CLEC16A: variants seen among roughly 807,000 people sequenced by gnomAD.
CLEC16A encodes the protein protein CLEC16A.
In CLEC16A, 51 loss-of-function variants were observed where a neutral mutation model predicts 109.5. That is an observed-to-expected ratio of 0.47 (90% CI 0.37 to 0.59). The LOEUF (loss-of-function observed/expected upper bound fraction) is 0.59, where lower values mean the gene tolerates loss of function less well. Among genes scored for constraint, CLEC16A ranks in the 20% least tolerant of loss-of-function variants. The probability of loss-of-function intolerance (pLI) is 0.00; values close to 1 mark genes in which losing one functional copy is unlikely to be tolerated. For missense variants in CLEC16A, 1,339 were observed against 1,394.0 expected, an observed-to-expected ratio of 0.96 and a Z score of 0.63; for synonymous variants, 673 against 564.2, an observed-to-expected ratio of 1.19 and a Z score of -2.73.
intron 21 of CLEC16A, among the ~76,000 whole-genome samples, chr16:11,124,969 G>A (rs1310886604): frequency 6.6e-6 from 1 of 152,110 alleles, no homozygotes; most frequent in Non-Finnish European, 1.5e-5. Flanking sequence ...TACGCCTGTA[G>A]TCCCAGCTAT....
chr16:11,168,094 G>A (rs1246767562), intron 23 of CLEC16A, among the ~76,000 whole-genome samples: 1 of 152,114 alleles, frequency 6.6e-6, no homozygotes, highest in African/African-American at 2.4e-5. Context: ...ATACTTCTTT[G>A]CCTAAAGTTA....
intron 11 of CLEC16A, among the ~76,000 whole-genome samples, chr16:11,010,965 A>G (rs945723838): frequency 1.3e-5 from 2 of 152,192 alleles, no homozygotes; most frequent in Admixed American, 1.3e-4. Context: ...TGGCTGGAAC[A>G]CGGCATGGGT....
At position 11,002,670 on chromosome 16, in the gene CLEC16A, T is replaced by C. The variant is rs1420322541; in HGVS notation, c.1072-404T>C. On this transcript the variant is annotated intron_variant, in intron 10 of 23. Coordinates refer to ENST00000409790, the MANE Select transcript of CLEC16A (RefSeq NM_015226.3). The stretch of plus-strand genomic sequence containing the variant: ...CCTCCAAGTCCACCACCCCTCCCAG[T>C]CTCATTGTCCATCATCCCACACTCT... Among the ~76,000 whole-genome samples the C allele has an allele frequency of 2.0e-5, 3 of 151,928 alleles. 1 individual carries two copies. The highest frequency in any genetic ancestry group is 3.9e-4 in the East Asian group (2 of 5,150).
intron 22 of CLEC16A, among the ~76,000 whole-genome samples, chr16:11,129,334 AC>A (rs1306671725): frequency 2.0e-5 from 3 of 152,180 alleles, no homozygotes; most frequent in African/African-American, 7.2e-5. Flanking sequence ...ATGAACAATA[AC>A]TCTGTTTTCC....
At chr16:11,058,799 G>T (rs1241769767) in intron 18 of CLEC16A, among the ~76,000 whole-genome samples, 1 of 152,176 alleles carries the variant, frequency 6.6e-6, no homozygotes, top group East Asian at 1.9e-4. Flanking sequence ...CACCTGCTCT[G>T]GTCCTGCATG....
At chr16:10,977,100 T>G in intron 7 of CLEC16A, 125 bp from the exon 8 acceptor site, 2 of 854,880 alleles carry the variant, frequency 2.3e-6, no homozygotes, top group Non-Finnish European at 3.6e-6. Flanking sequence ...CCAGGATAAG[T>G]GTCTCTTGAG....
chr16:11,060,926 C>T lies in CLEC16A; in HGVS notation c.2020C>T (p.Arg674Cys). The stretch of plus-strand genomic sequence containing the variant: ...GGCCATCCGGGTGTTCTTCATGCTG[C>T]GTTCCCTGTCACTGCAATTGCGAGG... ...RRAIRVFFML[R>C]SLSLQLRGEP... Residue 674 changes from arginine to cysteine, a missense_variant, in exon 19 of 24, where the codon CGT becomes TGT. By Grantham distance (180) the Arg-to-Cys change is radical. This residue lies in a region of CLEC16A where 1,061 missense variants were observed against 1,006.8 expected (regional missense o/e 1.05). Transcript: ENST00000409790. The T allele has an allele frequency of 1.2e-6, 2 of 1,612,010 alleles. No individual in the cohort carries two copies. Among genetic ancestry groups the T allele is most frequent in the Non-Finnish European group, 1.7e-6 (2 of 1,179,052 alleles).
rs572083087 is a variant in CLEC16A, at chr16:11,038,312, G to A, written c.1538-1442G>A. 3.9e-5 allele frequency among the ~76,000 whole-genome samples: 6 copies of A among 152,296 alleles called. No homozygotes were observed. In the East Asian group the frequency reaches 5.8e-4, roughly 15 times the overall value. On this transcript the variant is annotated intron_variant, in intron 13 of 23. Coordinates refer to ENST00000409790, the MANE Select transcript of CLEC16A (RefSeq NM_015226.3). Reference sequence around the variant, plus strand: ...CAAGGGACCGTATTTTAAGAGTTCCGAGAAGTGCCACCTTTCCCCCTTTTG... The same window carrying A: ...CAAGGGACCGTATTTTAAGAGTTCCAAGAAGTGCCACCTTTCCCCCTTTTG...
intron 22 of CLEC16A, among the ~76,000 whole-genome samples, chr16:11,154,959 C>CA (rs907202981): frequency 1.3e-5 from 2 of 151,666 alleles, no homozygotes; most frequent in African/African-American, 4.8e-5. Flanking sequence ...CCCACCACTA[C>CA]AAAAAACAGA....
intron 19 of CLEC16A, among the ~76,000 whole-genome samples, chr16:11,065,352 T>A (rs2048704131): frequency 6.6e-6 from 1 of 152,358 alleles, no homozygotes; most frequent in Non-Finnish European, 1.5e-5. Context: ...TGTGGGCACC[T>A]AACATTCACA....
At chr16:11,163,035 G>A (rs756187273) in intron 22 of CLEC16A, among the ~76,000 whole-genome samples, 1 of 152,222 alleles carries the variant, frequency 6.6e-6, no homozygotes, top group African/African-American at 2.4e-5. Flanking sequence ...CCTGTCGCAC[G>A]ATCTCTGGCT....
intron 10 of CLEC16A, among the ~76,000 whole-genome samples, chr16:10,994,175 T>G (rs1203833735): frequency 6.6e-6 from 1 of 152,212 alleles, no homozygotes; most frequent in South Asian, 2.1e-4. Context: ...CGTGTTCTCC[T>G]TGTTAATGGA....
At chr16:11,080,004 T>G (rs1296478450) in intron 19 of CLEC16A, among the ~76,000 whole-genome samples, 2 of 152,178 alleles carry the variant, frequency 1.3e-5, no homozygotes, top group Non-Finnish European at 2.9e-5. Flanking sequence ...TTCAGCGGCT[T>G]CCCTTCCTAT....
intron 22 of CLEC16A, among the ~76,000 whole-genome samples, chr16:11,152,580 G>A (rs903284669): frequency 6.6e-6 from 1 of 152,226 alleles, no homozygotes; most frequent in Non-Finnish European, 1.5e-5. Flanking sequence ...TTGTCTAGAA[G>A]CTGAGCAAAA....
intron 19 of CLEC16A, among the ~76,000 whole-genome samples, chr16:11,098,974 T>C (rs1286802475): frequency 6.6e-6 from 1 of 152,222 alleles, no homozygotes; most frequent in Non-Finnish European, 1.5e-5. Flanking sequence ...TGGCACCCCA[T>C]GCCCATTGAT....
intron 22 of CLEC16A, among the ~76,000 whole-genome samples, chr16:11,154,698 G>T (rs956889686): frequency 6.6e-6 from 1 of 152,204 alleles, no homozygotes; most frequent in Non-Finnish European, 1.5e-5. Context: ...GCTGAGGTGG[G>T]CGGATCACCT....
intron 11 of CLEC16A, 43 bp downstream of exon 11, chr16:11,003,348 C>G: frequency 2.0e-6 from 3 of 1,531,186 alleles, no homozygotes; most frequent in Non-Finnish European, 2.7e-6. Flanking sequence ...GCGCCGCCAG[C>G]CAGCCCGCCA....
At chr16:11,015,514 G>A (rs748003862) in intron 11 of CLEC16A, among the ~76,000 whole-genome samples, 1 of 152,168 alleles carries the variant, frequency 6.6e-6, no homozygotes, top group East Asian at 1.9e-4. Flanking sequence ...TGGAGTGCAC[G>A]AGGGAGCCCA....
intron 14 of CLEC16A, 89 bp from the exon 15 acceptor site, chr16:11,042,165 C>T (rs2047372222): frequency 9.5e-6 from 9 of 949,510 alleles, no homozygotes; most frequent in African/African-American, 4.8e-5. Flanking sequence ...ATCATGTGAC[C>T]TGCTAGCCTC....
Sources: gnomAD v4.1 joint callset for allele counts (sites outside exome capture counted in the v4.1 genomes callset) on GRCh38, gnomAD v4.1.1 for gene constraint, gnomAD v4.1.1 regional missense constraint, MANE v1.5 for transcripts, NCBI Gene and HGNC (gene_info 2026-07-23, HGNC 2026-07-21) for gene names.